The following PCCA variants were observed in gnomAD, a reference collection of about 807,000 sequenced individuals.
PCCA encodes the protein propionyl-CoA carboxylase subunit alpha.
In PCCA, 74 loss-of-function variants were observed where a neutral mutation model predicts 101.3. That is an observed-to-expected ratio of 0.73 (90% CI 0.61 to 0.89). The LOEUF (loss-of-function observed/expected upper bound fraction) is 0.89. PCCA is among the 40% of genes least tolerant of loss of function. The probability of loss-of-function intolerance (pLI) is 0.00; values close to 1 mark genes in which losing one functional copy is unlikely to be tolerated. For synonymous variants in PCCA, 294 were observed against 313.6 expected (o/e 0.94, Z 0.66); for missense variants, 891 against 907.0 (o/e 0.98, Z 0.23).
chr13:100,131,257 T>A (rs1375659758), intron 4 of PCCA, among the ~76,000 whole-genome samples: 5 of 152,184 alleles, frequency 3.3e-5, no homozygotes, highest in African/African-American at 1.2e-4. Flanking sequence ...AGTGTCTCTG[T>A]CAGATGTTCC....
chr13:100,312,220 A>C (rs2066976734), intron 16 of PCCA, among the ~76,000 whole-genome samples: 1 of 152,262 alleles, frequency 6.6e-6, no homozygotes, highest in Non-Finnish European at 1.5e-5. Context: ...TAATATTAAT[A>C]TAGCTTTGTA....
At chr13:100,395,368 A>G (rs999722528) in intron 19 of PCCA, among the ~76,000 whole-genome samples, 1 of 152,220 alleles carries the variant, frequency 6.6e-6, no homozygotes, top group African/African-American at 2.4e-5. Flanking sequence ...AACTGTGGCA[A>G]TTTCTGAAAC....
rs759944771 is a variant in PCCA at position 100,340,188 on chromosome 13, G to A, written c.1572G>A (p.Gln524=). Residue 524 remains glutamine, a synonymous_variant, in exon 18 of 24, where the codon CAG becomes CAA. Coordinates refer to ENST00000376285, the MANE Select transcript of PCCA (RefSeq NM_000282.4). ...TGCTAACCAAGAGTGAGAAGAACCAGTTATTGGCAATAGCATCATCATTGT... is the reference window on the plus strand; with the variant it reads ...TGCTAACCAAGAGTGAGAAGAACCAATTATTGGCAATAGCATCATCATTGT... ...GHMLTKSEKN[Q]LLAIASSLFV... The A allele has an allele frequency of 6.2e-7, 1 of 1,608,978 alleles. No homozygotes were observed. Among genetic ancestry groups the A allele is most frequent in the Admixed American group, 1.7e-5 (1 of 59,998 alleles).
chr13:100,439,445 T>C (rs1373728649), intron 20 of PCCA, among the ~76,000 whole-genome samples: 1 of 152,172 alleles, frequency 6.6e-6, no homozygotes, highest in Non-Finnish European at 1.5e-5. Flanking sequence ...CATGGTGAGC[T>C]CACTCTCTGT....
chr13:100,496,383 C>T (rs527874648), intron 21 of PCCA, among the ~76,000 whole-genome samples: 6 of 152,270 alleles, frequency 3.9e-5, no homozygotes, highest in African/African-American at 7.2e-5. Flanking sequence ...CTTTGGCTTC[C>T]GTGATCTTGA....
chr13:100,456,512 G>A (rs1471842893), intron 21 of PCCA, among the ~76,000 whole-genome samples: 1 of 152,186 alleles, frequency 6.6e-6, no homozygotes, highest in Non-Finnish European at 1.5e-5. Flanking sequence ...GCGGAGACCG[G>A]TAGTGGCCCC....
intron 1 of PCCA, among the ~76,000 whole-genome samples, chr13:100,092,370 G>C (rs965844331): frequency 6.6e-6 from 1 of 151,370 alleles, no homozygotes; most frequent in Non-Finnish European, 1.5e-5. Flanking sequence ...GATTCTGAAG[G>C]CTTTCTTTTC....
At position 100,378,722 on chromosome 13, in the gene PCCA, T is replaced by A. The variant is rs373484934; in HGVS notation, c.1746+10148T>A. ...TCTGCTTGATCTAGTCTGTTGAAGC[T>A]TTTGAATGCATTTTGCATTTCATTC... On this transcript the variant is annotated intron_variant, in intron 19 of 23. Transcript: ENST00000376285. 1.1e-3 allele frequency among the ~76,000 whole-genome samples: 166 copies of A among 152,296 alleles called. 6 individuals are homozygous for A. The South Asian group carries it at 0.031, about 29-fold the overall frequency.
chr13:100,239,835 CT>C (rs537766049), intron 8 of PCCA, among the ~76,000 whole-genome samples: 18 of 149,834 alleles, frequency 1.2e-4, no homozygotes, highest in South Asian at 2.1e-4. Context: ...TAAATAAAAA[CT>C]TTTTTTTTTG....
At chr13:100,174,743 A>G (rs1300033540) in intron 6 of PCCA, among the ~76,000 whole-genome samples, 1 of 149,562 alleles carries the variant, frequency 6.7e-6, no homozygotes, top group African/African-American at 2.5e-5. Context: ...AAAAAAAAAG[A>G]AAAAAAAAGA....
chr13:100,206,439 G>A (rs549873093), intron 6 of PCCA, among the ~76,000 whole-genome samples: 1 of 151,996 alleles, frequency 6.6e-6, no homozygotes, highest in Non-Finnish European at 1.5e-5. Context: ...GCTGATTTTT[G>A]TATTTTTAGT....
At chr13:100,347,221 G>A (rs1031798727) in intron 18 of PCCA, among the ~76,000 whole-genome samples, 3 of 152,162 alleles carry the variant, frequency 2.0e-5, no homozygotes, top group South Asian at 2.1e-4. Context: ...AAGAGCTATC[G>A]CACACTTAAT....
At chr13:100,293,345 A>G in intron 12 of PCCA, 1 of 406,722 alleles carries the variant, frequency 2.5e-6, no homozygotes, top group South Asian at 1.8e-5. Context: ...TATATTCCAG[A>G]AAGATTTTAG....
intron 21 of PCCA, among the ~76,000 whole-genome samples, chr13:100,476,797 T>C (rs2083449540): frequency 2.0e-5 from 3 of 152,160 alleles, no homozygotes; most frequent in Admixed American, 2.0e-4. Flanking sequence ...TCACCTTTCT[T>C]AGTTCCTCAT....
At chr13:100,492,235 C>T (rs888859949) in intron 21 of PCCA, among the ~76,000 whole-genome samples, 3 of 152,088 alleles carry the variant, frequency 2.0e-5, no homozygotes, top group South Asian at 2.1e-4. Flanking sequence ...CCCAGGTTCA[C>T]GCCATTCTCC....
At chr13:100,227,786 C>A (rs1049299948) in intron 7 of PCCA, among the ~76,000 whole-genome samples, 1 of 152,132 alleles carries the variant, frequency 6.6e-6, no homozygotes, top group East Asian at 1.9e-4. Context: ...AAAATGATAT[C>A]ATTGGACTCT....
At chr13:100,096,413 A>G (rs1285208693) in intron 1 of PCCA, among the ~76,000 whole-genome samples, 3 of 152,240 alleles carry the variant, frequency 2.0e-5, no homozygotes, top group African/African-American at 4.8e-5. Context: ...TTCTCCAAGC[A>G]GTTATTCCCC....
intron 19 of PCCA, among the ~76,000 whole-genome samples, chr13:100,412,688 G>C (rs565422337): frequency 1.3e-5 from 2 of 152,028 alleles, no homozygotes; most frequent in East Asian, 3.9e-4. Context: ...TTTAAACCAG[G>C]GTCTTCCTTG....
chr13:100,313,164 T>G (rs2067060141), intron 16 of PCCA, among the ~76,000 whole-genome samples: 1 of 152,100 alleles, frequency 6.6e-6, no homozygotes, highest in Non-Finnish European at 1.5e-5. Flanking sequence ...CATTCTCTTC[T>G]CTGTTTTTCT....
Sources: allele counts gnomAD v4.1 joint callset (sites outside exome capture counted in the v4.1 genomes callset), GRCh38; gene constraint gnomAD v4.1.1; transcripts MANE v1.5; gene names NCBI Gene and HGNC (gene_info 2026-07-23, HGNC 2026-07-21).